Variants in JAKMIP1 observed in about 807,000 individuals in gnomAD.
The protein encoded by JAKMIP1 is janus kinase and microtubule-interacting protein 1.
In JAKMIP1, 33 loss-of-function variants were observed where a neutral mutation model predicts 113.0. That is an observed-to-expected ratio of 0.29 (90% confidence interval 0.22 to 0.39). The LOEUF is 0.39. Ranked by LOEUF, JAKMIP1 falls within the 10% of genes least tolerant of loss-of-function variation. The pLI is 1.00. For synonymous variants in JAKMIP1, 480 were observed against 459.9 expected (o/e 1.04, Z -0.56); for missense variants, 813 against 1,080.5 (o/e 0.75, Z 3.47).
rs146731629 is a variant in JAKMIP1, at chr4:6,114,550, G to A, written c.-147-1553C>T. On this transcript the variant is annotated intron_variant, in intron 1 of 20. Transcript: ENST00000409021. ...GTCAGGCGGGACCTGCTAGCCCTGG[G>A]GCCCTGGGACATCCCTCCAAGCTAC... is the stretch of plus-strand genomic sequence containing the variant. Among the ~76,000 whole-genome samples, 19 of 152,322 alleles carry A rather than the reference G, an allele frequency of 1.2e-4. No individual in the cohort carries two copies. The East Asian group carries it at 3.5e-3, about 28-fold the overall frequency.
At position 6,137,268 on chromosome 4, in the gene JAKMIP1, C is replaced by T. The variant is rs1290079387; in HGVS notation, c.-147-24271G>A. Among the ~76,000 whole-genome samples the T allele has an allele frequency of 2.0e-5, 3 of 152,190 alleles. 1 individual carries two copies. Among genetic ancestry groups the T allele is most frequent in the South Asian group, 4.1e-4 (2 of 4,828 alleles). On this transcript the variant is annotated intron_variant, in intron 1 of 20. Transcript: ENST00000409021. This position sits in a 1 kb window ranked among gnomAD's most constrained non-coding sequence, Gnocchi z 4.5. ...GTCCTGGCTTCCCCGTGCCAGCAGC[C>T]GGGCTCACCAGGGCCCACTGAGCCA...
chr4:6,046,669 G>A (rs575124393), intron 16 of JAKMIP1, among the ~76,000 whole-genome samples: 10 of 152,168 alleles, frequency 6.6e-5, no homozygotes, highest in Non-Finnish European at 1.3e-4. Context: ...GACAGTGGCC[G>A]GATCCCAGAC....
chr4:6,171,721 A>T lies in JAKMIP1; in HGVS notation c.-148+28532T>A, dbSNP rs1006177596. ...ACCCTCAAAAGCTACTGAACCCAGG[A>T]GTACCGTGCAGGTAGGACTGTGCTT... is the stretch of plus-strand genomic sequence containing the variant. On this transcript the variant is annotated intron_variant, in intron 1 of 20. Transcript: ENST00000409021. 2.0e-5 allele frequency among the ~76,000 whole-genome samples: 3 copies of T among 152,180 alleles called. No homozygotes were observed. The South Asian group carries it at 6.2e-4, about 32-fold the overall frequency.
intron 19 of JAKMIP1, among the ~76,000 whole-genome samples, chr4:6,030,776 A>G (rs1219859882): frequency 6.6e-6 from 1 of 152,244 alleles, no homozygotes; most frequent in Non-Finnish European, 1.5e-5. Flanking sequence ...GCCATCTCAC[A>G]TTCCGTAGGG....
intron 19 of JAKMIP1, among the ~76,000 whole-genome samples, chr4:6,032,107 G>A (rs889140392): frequency 6.6e-6 from 1 of 152,098 alleles, no homozygotes; most frequent in East Asian, 1.9e-4. Flanking sequence ...TTGGGCTCTG[G>A]GTGAGTGACA....
chr4:6,079,957 A>G (rs1000793818), intron 7 of JAKMIP1, among the ~76,000 whole-genome samples: 1 of 152,244 alleles, frequency 6.6e-6, no homozygotes, highest in East Asian at 1.9e-4. Flanking sequence ...ACTGTCCCCA[A>G]GTACCAGTGA....
chr4:6,028,526 G>A (rs568224981), intron 20 of JAKMIP1, among the ~76,000 whole-genome samples: 1 of 152,344 alleles, frequency 6.6e-6, no homozygotes, highest in East Asian at 1.9e-4. Flanking sequence ...CATCTCTCTG[G>A]GCACATGGTT....
At position 6,183,885 on chromosome 4, in the gene JAKMIP1, T is replaced by C. The variant is rs1726341635; in HGVS notation, c.-148+16368A>G. On this transcript the variant is annotated intron_variant, in intron 1 of 20. Transcript: ENST00000409021. The surrounding 1 kb of genome is among the most constrained non-coding windows in gnomAD (Gnocchi z 5.3). ...CCCAAAAACGGAATCACAAATGCGGTATGCAAATCGTCACAACAGAATATT... is the reference window on the plus strand; with the variant it reads ...CCCAAAAACGGAATCACAAATGCGGCATGCAAATCGTCACAACAGAATATT... 6.6e-6 allele frequency among the ~76,000 whole-genome samples: 1 copy of C among 152,176 alleles called. No individual in the cohort carries two copies. Among genetic ancestry groups the C allele is most frequent in the African/African-American group, 2.4e-5 (1 of 41,442 alleles).
chr4:6,159,003 A>G (rs1045499686), intron 1 of JAKMIP1, among the ~76,000 whole-genome samples: 1 of 151,936 alleles, frequency 6.6e-6, no homozygotes, highest in African/African-American at 2.4e-5. Flanking sequence ...GTAGGAAGAT[A>G]GCTTGAGCCC....
In JAKMIP1 at chr4:6,181,019, CAA is replaced by C. The variant is rs1725957022; in HGVS notation, c.-148+19232_-148+19233del. On this transcript the variant is annotated intron_variant, in intron 1 of 20. Transcript: ENST00000409021. The surrounding 1 kb of genome is among the most constrained non-coding windows in gnomAD (Gnocchi z 5.4). ...CTGTCTCACCTCTGCTGAAATGAGT[CAA>C]GAGACTAGCAAGTAACCACACCACC... is the stretch of plus-strand genomic sequence containing the variant. Among the ~76,000 whole-genome samples the C allele has an allele frequency of 1.3e-5, 2 of 152,034 alleles. No homozygotes were observed. The highest frequency in any genetic ancestry group is 1.3e-4 in the Admixed American group (2 of 15,268).
Position 6,180,700 on chromosome 4 carries a change from C to T in JAKMIP1, c.-148+19553G>A, listed in dbSNP as rs1372348799. Among the ~76,000 whole-genome samples, 7 of 152,086 alleles carry T rather than the reference C, an allele frequency of 4.6e-5. No homozygotes were observed. Among genetic ancestry groups the T allele is most frequent in the Non-Finnish European group, 7.4e-5 (5 of 68,026 alleles). ...AGCAGGAAGGGGTGAAGTACTTTGACCAACATGACCCAATTAGCAAGTGGG... is the reference window on the plus strand; with the variant it reads ...AGCAGGAAGGGGTGAAGTACTTTGATCAACATGACCCAATTAGCAAGTGGG... On this transcript the variant is annotated intron_variant, in intron 1 of 20. Coordinates refer to ENST00000409021, the MANE Select transcript of JAKMIP1 (RefSeq NM_001099433.2). This position sits in a 1 kb window ranked among gnomAD's most constrained non-coding sequence, Gnocchi z 4.5.
chr4:6,060,365 G>C (rs1184774093), intron 11 of JAKMIP1, 59 bp downstream of exon 11: 2 of 1,318,376 alleles, frequency 1.5e-6, no homozygotes, highest in Non-Finnish European at 2.2e-6. Flanking sequence ...GAGCCCCAGG[G>C]ATACCACCAA....
In JAKMIP1 at chr4:6,186,593, A is replaced by G. The variant is rs1046354733; in HGVS notation, c.-148+13660T>C. The stretch of plus-strand genomic sequence containing the variant: ...TATTGAGGTTGTATTAGGGCCTAGC[A>G]TATGGTCTATCCTGGAAAATGATTC... On this transcript the variant is annotated intron_variant, in intron 1 of 20. Coordinates refer to ENST00000409021, the MANE Select transcript of JAKMIP1 (RefSeq NM_001099433.2). The surrounding 1 kb of genome is among the most constrained non-coding windows in gnomAD (Gnocchi z 5.5). Among the ~76,000 whole-genome samples, 2 of 152,170 alleles carry G rather than the reference A, an allele frequency of 1.3e-5. No individual in the cohort carries two copies. Among genetic ancestry groups the G allele is most frequent in the Non-Finnish European group, 2.9e-5 (2 of 68,026 alleles).
chr4:6,196,165 G>A (rs538367546), intron 1 of JAKMIP1, among the ~76,000 whole-genome samples: 14 of 152,186 alleles, frequency 9.2e-5, no homozygotes, highest in Non-Finnish European at 1.5e-4. Flanking sequence ...CTTTCACCAC[G>A]GGCCCTTTCT....
chr4:6,029,794 AG>A lies in JAKMIP1; in HGVS notation c.2380-14del. The A allele has an allele frequency of 6.3e-7, 1 of 1,582,732 alleles. No homozygotes were observed. Among genetic ancestry groups the A allele is most frequent in the South Asian group, 1.1e-5 (1 of 87,498 alleles). On this transcript the variant is annotated splice_polypyrimidine_tract_variant and intron_variant, in intron 19 of 20. Transcript: ENST00000409021. ...GTTCTCGGATTCTCTGAAATACACC[AG>A]GTTACGTGTCAGAAAAAGTAAGTTT...
chr4:6,186,487 T>C lies in JAKMIP1; in HGVS notation c.-148+13766A>G, dbSNP rs1427451353. On this transcript the variant is annotated intron_variant, in intron 1 of 20. Coordinates refer to ENST00000409021, the MANE Select transcript of JAKMIP1 (RefSeq NM_001099433.2). This position sits in a 1 kb window ranked among gnomAD's most constrained non-coding sequence, Gnocchi z 5.5. ...CTACAGGCCAGGCATGGCTTGATGC[T>C]ACTGACTTCTAACTTCATTGCATTG... Among the ~76,000 whole-genome samples, 1 of 152,232 alleles carries C rather than the reference T, an allele frequency of 6.6e-6. No individual in the cohort carries two copies. Among genetic ancestry groups the C allele is most frequent in the Non-Finnish European group, 1.5e-5 (1 of 68,036 alleles).
intron 8 of JAKMIP1, among the ~76,000 whole-genome samples, chr4:6,070,770 T>A (rs1354595388): frequency 6.6e-6 from 1 of 152,232 alleles, no homozygotes; most frequent in African/African-American, 2.4e-5. Flanking sequence ...TTCACTGGCT[T>A]CTCTACCATC....
In JAKMIP1 at chr4:6,067,369, T is replaced by C. The variant is rs146703633; in HGVS notation, c.1303-2361A>G. ...GGTTACATGCCCCAGATGAGTCTCA[T>C]TGGCAGGTACGTGAAGACTATGGGC... On this transcript the variant is annotated intron_variant, in intron 8 of 20. Transcript: ENST00000409021. This position sits in a 1 kb window ranked among gnomAD's most constrained non-coding sequence, Gnocchi z 4.6. 2.6e-5 allele frequency among the ~76,000 whole-genome samples: 4 copies of C among 152,314 alleles called. No homozygotes were observed. Among genetic ancestry groups the C allele is most frequent in the African/African-American group, 9.6e-5 (4 of 41,560 alleles).
chr4:6,148,583 A>G (rs761879447), intron 1 of JAKMIP1, among the ~76,000 whole-genome samples: 3 of 152,238 alleles, frequency 2.0e-5, no homozygotes, highest in Non-Finnish European at 4.4e-5. Flanking sequence ...ACCCAGTTCC[A>G]TTCACCAGCA....
Sources: gnomAD v4.1 joint callset for allele counts (sites outside exome capture counted in the v4.1 genomes callset) on GRCh38, gnomAD v4.1.1 for gene constraint, Gnocchi (gnomAD v3.1) non-coding constraint, MANE v1.5 for transcripts, NCBI Gene and HGNC (gene_info 2026-07-23, HGNC 2026-07-21) for gene names.